The following REPS1 variants were observed in gnomAD, a reference collection of about 807,000 sequenced individuals.
The protein encoded by REPS1 is RALBP1 associated Eps domain containing 1.
In REPS1, 39 loss-of-function variants were observed where a neutral mutation model predicts 100.9. The observed-to-expected ratio is 0.39, with a 90% CI of 0.30 to 0.50. The LOEUF (loss-of-function observed/expected upper bound fraction) is 0.50, where lower values mean the gene tolerates loss of function less well. Ranked by LOEUF, REPS1 falls within the 20% of genes least tolerant of loss-of-function variation. The probability of loss-of-function intolerance (pLI) is 0.86; values close to 1 mark genes in which losing one functional copy is unlikely to be tolerated. For missense variants in REPS1, 821 were observed against 968.5 expected, an observed-to-expected ratio of 0.85 and a Z score of 2.02; for synonymous variants, 324 against 340.3, an observed-to-expected ratio of 0.95 and a Z score of 0.53.
intron 9 of REPS1, chr6:138,927,573 T>C (rs972045233): frequency 2.0e-5 from 3 of 152,146 alleles, no homozygotes; most frequent in Non-Finnish European, 1.5e-5. Context: ...TTTTTATGCT[T>C]CAAAGTTCAA....
intron 16 of REPS1, 58 bp downstream of exon 16, chr6:138,912,707 C>CAA: frequency 6.6e-7 from 1 of 1,515,902 alleles, no homozygotes; most frequent in Non-Finnish European, 9.2e-7. Flanking sequence ...TCTGTTGACA[C>CAA]AACATGGTAT....
At chr6:138,924,448 C>T (rs935037951) in intron 10 of REPS1, among the ~76,000 whole-genome samples, 2 of 152,196 alleles carry the variant, frequency 1.3e-5, no homozygotes, top group East Asian at 3.8e-4. Context: ...CCAACTATTT[C>T]TCTACATTTC....
At chr6:138,972,638 G>A (rs1170377460) in intron 1 of REPS1, among the ~76,000 whole-genome samples, 3 of 146,726 alleles carry the variant, frequency 2.0e-5, no homozygotes, top group Non-Finnish European at 4.5e-5. Context: ...CTGCAGGGCA[G>A]AGAAATACAT....
chr6:138,962,197 C>T (rs1376252942), intron 1 of REPS1, among the ~76,000 whole-genome samples: 1 of 151,990 alleles, frequency 6.6e-6, no homozygotes, highest in Non-Finnish European at 1.5e-5. Flanking sequence ...CAATAATGTC[C>T]CTTTGTGTCC....
chr6:138,970,281 C>T (rs1487578425), intron 1 of REPS1, among the ~76,000 whole-genome samples: 1 of 151,676 alleles, frequency 6.6e-6, no homozygotes, highest in Non-Finnish European at 1.5e-5. Context: ...GGAGTCAAAG[C>T]TGACTCCAAA....
At chr6:138,926,841 T>G in intron 9 of REPS1, 1 of 166,268 alleles carries the variant, frequency 6.0e-6, no homozygotes, top group Non-Finnish European at 1.3e-5. Context: ...AAAGAAAGAA[T>G]AACATCAAAT....
chr6:138,960,823 A>G (rs989387765), intron 1 of REPS1, among the ~76,000 whole-genome samples: 3 of 152,222 alleles, frequency 2.0e-5, no homozygotes, highest in African/African-American at 7.2e-5. Context: ...TTTTGCTTGT[A>G]AAATATTTTA....
intron 8 of REPS1, among the ~76,000 whole-genome samples, chr6:138,930,825 T>C (rs937038158): frequency 2.6e-5 from 4 of 152,184 alleles, no homozygotes; most frequent in African/African-American, 7.2e-5. Flanking sequence ...TTAACTTTTA[T>C]TATTAAGCTC....
chr6:138,922,157 C>T (rs1780817859), intron 10 of REPS1, among the ~76,000 whole-genome samples: 1 of 152,136 alleles, frequency 6.6e-6, no homozygotes, highest in African/African-American at 2.4e-5. Flanking sequence ...AGACTGAAAA[C>T]TCATTTTCAG....
chr6:138,921,056 T>C lies in REPS1; in HGVS notation c.1407A>G (p.Glu469=), dbSNP rs754767847. The C allele has an allele frequency of 5.9e-5, 95 of 1,612,906 alleles. 3 individuals are homozygous for C. In the South Asian group the frequency reaches 1.0e-3, roughly 17 times the overall value. ...TPSKIHMQEM[E]LKRTGSDHTN... ...CCTTACCGCTGCCAGTTCTTTTAAG[T>C]TCCATTTCCTGCATGTGGATTTTGC... The change falls in exon 11 of 20, where the codon GAA becomes GAG. Residue 469 remains glutamate, a synonymous_variant. Coordinates refer to ENST00000450536, the MANE Select transcript of REPS1 (RefSeq NM_001286611.2).
At chr6:138,969,617 T>C (rs1167581194) in intron 1 of REPS1, among the ~76,000 whole-genome samples, 1 of 151,990 alleles carries the variant, frequency 6.6e-6, no homozygotes, top group Non-Finnish European at 1.5e-5. Flanking sequence ...TCAAAATGGT[T>C]GGCAACCTGA....
chr6:138,926,394 G>A lies in REPS1; in HGVS notation c.1338+7C>T. The A allele has an allele frequency of 8.1e-6, 13 of 1,599,022 alleles. No individual in the cohort carries two copies. The highest frequency in any genetic ancestry group is 2.2e-5 in the East Asian group (1 of 44,788). On this transcript the variant is annotated splice_region_variant and intron_variant, in intron 10 of 19. Coordinates refer to ENST00000450536, the MANE Select transcript of REPS1 (RefSeq NM_001286611.2). The stretch of plus-strand genomic sequence containing the variant: ...TCTCAAACAAGCAAGCTAAGTGATT[G>A]ACTTACAGGATCAGCTGGTGCAATG...
chr6:138,945,542 T>C lies in REPS1; in HGVS notation c.433A>G (p.Ser145Gly). ...GRGQVKKGSV[S>G]HDTVQPRTSA... ...GTACGAGGCTGAACCGTATCATGGC[T>C]TACGGATCCCTTTTTCACTTGCCCC... The change falls in exon 3 of 20, where the codon AGC (serine) becomes GGC (glycine). Residue 145 changes from serine to glycine, a missense_variant. Transcript: ENST00000450536. The C allele has an allele frequency of 6.2e-7, 1 of 1,611,662 alleles. No homozygotes were observed. Among genetic ancestry groups the C allele is most frequent in the African/African-American group, 1.3e-5 (1 of 74,876 alleles).
At chr6:138,925,461 G>A (rs1371325909) in intron 10 of REPS1, among the ~76,000 whole-genome samples, 1 of 152,202 alleles carries the variant, frequency 6.6e-6, no homozygotes, top group East Asian at 1.9e-4. Flanking sequence ...AATCTCTTTA[G>A]ATGACAAGAC....
chr6:138,927,882 G>A (rs775060237), intron 9 of REPS1: 7 of 152,148 alleles, frequency 4.6e-5, no homozygotes, highest in Non-Finnish European at 1.0e-4. Flanking sequence ...TTGTTACAGG[G>A]ACACAGAAGG....
At position 138,987,782 on chromosome 6, in the gene REPS1, G is replaced by A. The variant is rs967972371; in HGVS notation, c.-100C>T. On this transcript the variant is annotated 5_prime_UTR_variant, in exon 1 of 20. Transcript: ENST00000450536. ...GGGGCTGCGCGTGGCCCGGCCTCCT[G>A]CTAGCTTCCCGAAAACGCCGGCCCC... is the stretch of plus-strand genomic sequence containing the variant. 2 of 1,353,078 alleles carry A rather than the reference G, an allele frequency of 1.5e-6. No individual in the cohort carries two copies. Among genetic ancestry groups the A allele is most frequent in the South Asian group, 3.4e-5 (2 of 58,230 alleles). 83.8% of individuals were successfully genotyped at this position (1,353,078 alleles called of 1,614,324 possible).
rs1189713058 is a variant in REPS1, at chr6:138,903,898, T to C, written c.*1166A>G. 1 of 152,208 alleles carries C rather than the reference T, an allele frequency of 6.6e-6. No individual in the cohort carries two copies. The highest frequency in any genetic ancestry group is 1.5e-5 in the Non-Finnish European group (1 of 68,026). The allele number at this position is 152,208 out of a possible 1,614,324, so 9.4% of individuals were successfully genotyped here. A position where few individuals can be genotyped will look rare whatever the true frequency, so the allele number is the denominator to read the frequency against. On this transcript the variant is annotated 3_prime_UTR_variant, in exon 20 of 20. Transcript: ENST00000450536. ...TTCTTGTTTACAGTAACAAAGTCTA[T>C]CGGTGCAGTTTAGGACTGTGAATCT...
At position 138,904,225 on chromosome 6, in the gene REPS1, C is replaced by T. The variant is rs1321533333; in HGVS notation, c.*839G>A. 6.6e-6 allele frequency: 1 copy of T among 152,060 alleles called. No individual in the cohort carries two copies. Among genetic ancestry groups the T allele is most frequent in the Non-Finnish European group, 1.5e-5 (1 of 67,996 alleles). 9.4% of individuals were successfully genotyped at this position (152,060 alleles called of 1,614,324 possible). A position where few individuals can be genotyped will look rare whatever the true frequency, so the allele number is the denominator to read the frequency against. The stretch of plus-strand genomic sequence containing the variant: ...CTGAATAAGGCATACTCCAGAAACT[C>T]ATTAATAGGAAAAACTTGTCTGTAT... On this transcript the variant is annotated 3_prime_UTR_variant, in exon 20 of 20. Transcript: ENST00000450536.
intron 2 of REPS1, among the ~76,000 whole-genome samples, chr6:138,947,242 C>T (rs1470471840): frequency 6.6e-6 from 1 of 152,136 alleles, no homozygotes; most frequent in East Asian, 1.9e-4. Context: ...TGGACTAATA[C>T]AAACTTGTAA....
Sources: gnomAD v4.1 joint callset for allele counts (sites outside exome capture counted in the v4.1 genomes callset) on GRCh38, gnomAD v4.1.1 for gene constraint, MANE v1.5 for transcripts, NCBI Gene and HGNC (gene_info 2026-07-23, HGNC 2026-07-21) for gene names.